HOXD13: variants seen among roughly 807,000 people sequenced by gnomAD.
HOXD13 encodes homeobox protein Hox-D13.
HOXD13 carries 16 observed loss-of-function variants against 27.3 expected under a neutral mutation model. The ratio of observed to expected loss-of-function variants is 0.59; its 90% CI spans 0.40 to 0.89. The LOEUF (loss-of-function observed/expected upper bound fraction) is 0.89, where lower values mean the gene tolerates loss of function less well. HOXD13 is among the 40% of genes least tolerant of loss of function. The pLI, the probability that HOXD13 is intolerant of heterozygous loss-of-function variation, is 0.00. For synonymous variants in HOXD13, 241 were observed against 219.0 expected (o/e 1.10, Z -0.89); for missense variants, 481 against 482.6 (o/e 1.00, Z 0.03).
Position 176,095,594 on chromosome 2 carries a change from C to T in HOXD13, c.*864C>T, listed in dbSNP as rs1004784896. ...TATGGGTCTGGGATTGTGGTCATCT[C>T]CTCAATCCTCAAAAAGAGGCTGAAT... is the stretch of plus-strand genomic sequence containing the variant. On this transcript the variant is annotated 3_prime_UTR_variant, in exon 2 of 2. Transcript: ENST00000392539. 1 of 228,006 alleles carries T rather than the reference C, an allele frequency of 4.4e-6. No individual in the cohort carries two copies. The highest frequency in any genetic ancestry group is 8.7e-6 in the Non-Finnish European group (1 of 114,656). 14.1% of individuals were successfully genotyped at this position (228,006 alleles called of 1,614,324 possible).
Position 176,092,909 on chromosome 2 carries a change from TG to T in HOXD13, c.22del (p.Asp8ThrfsTer88). 1 of 1,302,918 alleles carries T rather than the reference TG, an allele frequency of 7.7e-7. No individual in the cohort carries two copies. The highest frequency in any genetic ancestry group is 9.7e-7 in the Non-Finnish European group (1 of 1,029,588). The allele number at this position is 1,302,918 out of a possible 1,614,324, so 80.7% of individuals were successfully genotyped here. On this transcript the variant is annotated frameshift_variant, in exon 1 of 2. Transcript: ENST00000392539. LOFTEE classifies it high-confidence loss of function. ...CCGGGCCATGAGCCGCGCCGGGAGCTGGGACATGGACGGGCTGCGGGCAGAC... is the reference window on the plus strand; with the variant it reads ...CCGGGCCATGAGCCGCGCCGGGAGCTGGACATGGACGGGCTGCGGGCAGAC... The part of the protein sequence containing the change: MSRAGS[W>X]DMDGLRADGG...
chr2:176,089,599 C>T (rs1358288904), upstream of HOXD13, among the ~76,000 whole-genome samples: 1 of 152,188 alleles, frequency 6.6e-6, no homozygotes, highest in South Asian at 2.1e-4. Flanking sequence ...CCTGTATCTG[C>T]CCATTCCCCC....
rs892026338 is a variant in HOXD13, at chr2:176,092,849, C to A, written c.-42C>A. On this transcript the variant is annotated 5_prime_UTR_variant, in exon 1 of 2. An upstream open reading frame in the 5' UTR gains an earlier in-frame stop. Transcript: ENST00000392539. ...AGGCGCGCCGCGCCATGGTGTCCTG[C>A]GCGGGGCCAGGGCCAGGGCCGGGGC... 4 of 1,173,608 alleles carry A rather than the reference C, an allele frequency of 3.4e-6. No individual in the cohort carries two copies. Among genetic ancestry groups the A allele is most frequent in the African/African-American group, 3.2e-5 (2 of 62,346 alleles). 72.7% of individuals were successfully genotyped at this position (1,173,608 alleles called of 1,614,324 possible). A position where few individuals can be genotyped will look rare whatever the true frequency, so the allele number is the denominator to read the frequency against.
At chr2:176,088,812 C>T (rs1384152320), upstream of HOXD13, among the ~76,000 whole-genome samples, 2 of 152,180 alleles carry the variant, frequency 1.3e-5, no homozygotes, top group African/African-American at 4.8e-5. Flanking sequence ...ATTAGGGTCC[C>T]AGCTTTTATT....
chr2:176,093,423 T>C lies in HOXD13; in HGVS notation c.533T>C (p.Val178Ala), dbSNP rs201904809. ...MDVSGLASSS[V>A]PANEVPARAK... ...GTGTCAGGCCTGGCGAGCAGCAGCG[T>C]ACCGGCCAACGAGGTGCCAGCGCGA... Residue 178 changes from valine to alanine, a missense_variant, in exon 1 of 2, where the codon GTA (valine) becomes GCA (alanine). Val to Ala is a moderately conservative substitution (Grantham distance 64). Coordinates refer to ENST00000392539, the MANE Select transcript of HOXD13 (RefSeq NM_000523.4). 5.0e-6 allele frequency: 8 copies of C among 1,613,940 alleles called. No individual in the cohort carries two copies. The African/African-American group carries it at 1.1e-4, about 22-fold the overall frequency.
chr2:176,090,181 AC>A (rs890593659), upstream of HOXD13, among the ~76,000 whole-genome samples: 3 of 152,196 alleles, frequency 2.0e-5, no homozygotes, highest in African/African-American at 7.2e-5. Context: ...ACAAAGTCAG[AC>A]CCCCTTTCCT....
At chr2:176,093,709 G>A in intron 1 of HOXD13, 38 bp downstream of exon 1, 1 of 1,370,180 alleles carries the variant, frequency 7.3e-7, no homozygotes, top group Non-Finnish European at 1.0e-6. Context: ...CACGAGGGAG[G>A]GGGAGAGAGA....
rs847194 is a variant in HOXD13, at chr2:176,093,973, A to C, written c.781+302A>C. 0.38 allele frequency among the ~76,000 whole-genome samples: 57,128 copies of C among 152,018 alleles called. 14,120 individuals are homozygous for C. The highest frequency in any genetic ancestry group is 0.71 in the African/African-American group (29,408 of 41,430). On this transcript the variant is annotated intron_variant, in intron 1 of 1. Transcript: ENST00000392539. ...GCCTCTCCCTTTTCTCCTAAAGAGA[A>C]CTTTTTCCTAAGAAACCTGACAGAG... is the stretch of plus-strand genomic sequence containing the variant.
upstream of HOXD13, among the ~76,000 whole-genome samples, chr2:176,091,363 C>T (rs1689316495): frequency 6.6e-6 from 1 of 152,130 alleles, no homozygotes; most frequent in African/African-American, 2.4e-5. Context: ...CCATATCCAC[C>T]CCCAGAACCC....
chr2:176,093,057 GGGCGGCGGC>G lies in HOXD13; in HGVS notation c.174_182del (p.Ala69_Ala71del), dbSNP rs3832095. 3 of 1,369,814 alleles carry G rather than the reference GGGCGGCGGC, an allele frequency of 2.2e-6. No individual in the cohort carries two copies. The highest frequency in any genetic ancestry group is 1.5e-5 in the African/African-American group (1 of 65,270). The allele number at this position is 1,369,814 out of a possible 1,614,324, so 84.9% of individuals were successfully genotyped here. ...GTGTTCGCCGGGACGCATTCGGGGC[GGGCGGCGGC>G]GGCGGCAGCGGCGGCTGCGGCGGCG... On this transcript the variant is annotated inframe_deletion, in exon 1 of 2. Transcript: ENST00000392539.
chr2:176,088,174 T>G (rs1309688782), upstream of HOXD13, among the ~76,000 whole-genome samples: 2 of 152,280 alleles, frequency 1.3e-5, no homozygotes, highest in Non-Finnish European at 2.9e-5. Flanking sequence ...AAGCCTGGGC[T>G]TCGAGCCTCG....
At chr2:176,088,399 C>T (rs1308376061), upstream of HOXD13, among the ~76,000 whole-genome samples, 1 of 152,222 alleles carries the variant, frequency 6.6e-6, no homozygotes, top group Non-Finnish European at 1.5e-5. Context: ...ATACTTTCTT[C>T]CTGGGCTCGG....
At chr2:176,091,564 G>C (rs1574942124), upstream of HOXD13, among the ~76,000 whole-genome samples, 2 of 152,114 alleles carry the variant, frequency 1.3e-5, no homozygotes, top group South Asian at 4.1e-4. Flanking sequence ...TTCCAGAGCT[G>C]GACCTAGCCC....
chr2:176,088,820 A>T (rs1689280249), upstream of HOXD13, among the ~76,000 whole-genome samples: 1 of 152,030 alleles, frequency 6.6e-6, no homozygotes, highest in Non-Finnish European at 1.5e-5. Context: ...CCCAGCTTTT[A>T]TTTTCCAAAA....
rs146564993 is a variant in HOXD13, at chr2:176,095,082, G to GT, written c.*359dup. The GT allele has an allele frequency of 0.03, 10,465 of 346,846 alleles. 1,002 individuals carry two copies. The highest frequency in any genetic ancestry group is 0.29 in the East Asian group (5,999 of 20,604). 21.5% of individuals were successfully genotyped at this position (346,846 alleles called of 1,614,324 possible). A position where few individuals can be genotyped will look rare whatever the true frequency, so the allele number is the denominator to read the frequency against. On this transcript the variant is annotated 3_prime_UTR_variant, in exon 2 of 2. Transcript: ENST00000392539. ...TCAGAAGTGCCATTCTGATTTAAGG[G>GT]TTTTTTTAAAAAATTACTTTATTTG...
rs1689340480 is a variant in HOXD13 at position 176,092,790 on chromosome 2, G to T, written c.-101G>T. Reference sequence around the variant, plus strand: ...AGAGGGCTAGAGGAAGAGGGCGGGAGCGAGCGAACCAGAGAGAAAGGAGAG... The same window carrying T: ...AGAGGGCTAGAGGAAGAGGGCGGGATCGAGCGAACCAGAGAGAAAGGAGAG... On this transcript the variant is annotated 5_prime_UTR_variant, in exon 1 of 2. Coordinates refer to ENST00000392539, the MANE Select transcript of HOXD13 (RefSeq NM_000523.4). 5 of 768,976 alleles carry T rather than the reference G, an allele frequency of 6.5e-6. No individual in the cohort carries two copies. The allele number at this position is 768,976 out of a possible 1,614,324, so 47.6% of individuals were successfully genotyped here. A position where few individuals can be genotyped will look rare whatever the true frequency, so the allele number is the denominator to read the frequency against.
rs1387908032 is a variant in HOXD13, at chr2:176,094,576, A to AC, written c.879dup (p.Glu294ArgfsTer5). The stretch of plus-strand genomic sequence containing the variant: ...AAACTGCAGCTTAAAGAACTGGAGA[A>AC]CGAGTATGCCATTAACAAATTCATT... On this transcript the variant is annotated frameshift_variant, in exon 2 of 2. Transcript: ENST00000392539. LOFTEE classifies it high-confidence loss of function. 1 of 1,614,204 alleles carries AC rather than the reference A, an allele frequency of 6.2e-7. No individual in the cohort carries two copies. Among genetic ancestry groups the AC allele is most frequent in the East Asian group, 2.2e-5 (1 of 44,884 alleles).
upstream of HOXD13, among the ~76,000 whole-genome samples, chr2:176,091,939 G>A (rs1223346040): frequency 6.6e-6 from 1 of 152,146 alleles, no homozygotes; most frequent in Non-Finnish European, 1.5e-5. Context: ...GGCCCAGGTC[G>A]GAAGCACTCC....
In HOXD13 at chr2:176,094,874, T is replaced by C. The variant is rs1689390159; in HGVS notation, c.*144T>C. On this transcript the variant is annotated 3_prime_UTR_variant, in exon 2 of 2. Coordinates refer to ENST00000392539, the MANE Select transcript of HOXD13 (RefSeq NM_000523.4). The stretch of plus-strand genomic sequence containing the variant: ...GTGAATTGTTTTTCTCTCTTCCCCT[T>C]ATCTGGCTCTAAAACCTTCTGCTGC... 5.8e-6 allele frequency: 4 copies of C among 694,162 alleles called. No homozygotes were observed. Among genetic ancestry groups the C allele is most frequent in the Non-Finnish European group, 1.0e-5 (4 of 391,218 alleles). The allele number at this position is 694,162 out of a possible 1,614,324, so 43.0% of individuals were successfully genotyped here. A position where few individuals can be genotyped will look rare whatever the true frequency, so the allele number is the denominator to read the frequency against.
Sources: allele counts gnomAD v4.1 joint callset (sites outside exome capture counted in the v4.1 genomes callset), GRCh38; gene constraint gnomAD v4.1.1; transcripts MANE v1.5; gene names NCBI Gene and HGNC (gene_info 2026-07-23, HGNC 2026-07-21).